CDH13: variants seen among roughly 807,000 people sequenced by gnomAD.
CDH13 encodes the protein cadherin 13.
Under a neutral mutation model 63.8 loss-of-function variants are expected in CDH13, and 24 were observed. The ratio of observed to expected loss-of-function variants is 0.38; its 90% CI spans 0.27 to 0.53. The LOEUF is 0.53. CDH13 is among the 20% of genes least tolerant of loss of function. CDH13 has a pLI of 0.85. For missense variants in CDH13, 1,049 were observed against 903.1 expected, an observed-to-expected ratio of 1.16 and a Z score of -2.07; for synonymous variants, 503 against 355.3, an observed-to-expected ratio of 1.42 and a Z score of -4.67.
chr16:82,727,093 C>T (rs917935129), intron 1 of CDH13, among the ~76,000 whole-genome samples: 11 of 152,080 alleles, frequency 7.2e-5, no homozygotes, highest in East Asian at 1.9e-4. Flanking sequence ...ATGAGGGCGG[C>T]GGCGGTGGTG....
At chr16:83,036,574 C>T (rs1043871774) in intron 3 of CDH13, among the ~76,000 whole-genome samples, 2 of 152,120 alleles carry the variant, frequency 1.3e-5, no homozygotes, top group African/African-American at 4.8e-5. Flanking sequence ...ACCCAGAATG[C>T]CAGATTGTCA....
intron 2 of CDH13, among the ~76,000 whole-genome samples, chr16:82,996,169 G>C (rs1172107126): frequency 6.6e-6 from 1 of 152,070 alleles, no homozygotes; most frequent in Non-Finnish European, 1.5e-5. Flanking sequence ...AGTTATTTGA[G>C]GTTTTCTGGG....
intron 1 of CDH13, among the ~76,000 whole-genome samples, chr16:82,857,244 T>A (rs776882328): frequency 1.3e-5 from 2 of 152,196 alleles, no homozygotes; most frequent in Non-Finnish European, 2.9e-5. Flanking sequence ...AAAATATACC[T>A]TATAACATTA....
intron 13 of CDH13, among the ~76,000 whole-genome samples, chr16:83,784,756 C>G (rs1915766503): frequency 6.6e-6 from 1 of 152,000 alleles, no homozygotes; most frequent in Non-Finnish European, 1.5e-5. Flanking sequence ...TGACTTGTCT[C>G]TGATGACTGT....
At chr16:83,146,988 T>A (rs1489823144) in intron 4 of CDH13, among the ~76,000 whole-genome samples, 1 of 152,110 alleles carries the variant, frequency 6.6e-6, no homozygotes, top group Admixed American at 6.5e-5. Context: ...CCCAGCAGGC[T>A]GAGGCAGGAA....
At chr16:83,700,965 C>T (rs763453686) in intron 10 of CDH13, among the ~76,000 whole-genome samples, 3 of 152,200 alleles carry the variant, frequency 2.0e-5, no homozygotes, top group Non-Finnish European at 4.4e-5. Flanking sequence ...TTTACACCCT[C>T]TTCCCCTTCT....
intron 5 of CDH13, among the ~76,000 whole-genome samples, chr16:83,248,423 G>C (rs962587870): frequency 6.6e-6 from 1 of 152,092 alleles, no homozygotes; most frequent in Non-Finnish European, 1.5e-5. Flanking sequence ...CCGCAAATCA[G>C]CAGCAGGAAG....
chr16:83,569,076 T>G (rs1001270609), intron 7 of CDH13, among the ~76,000 whole-genome samples: 7 of 152,040 alleles, frequency 4.6e-5, no homozygotes, highest in Non-Finnish European at 1.0e-4. Context: ...CTCCTTTCCC[T>G]CCTTCTGAAC....
intron 4 of CDH13, among the ~76,000 whole-genome samples, chr16:83,185,663 C>T (rs2038495146): frequency 1.3e-5 from 2 of 152,198 alleles, no homozygotes; most frequent in African/African-American, 4.8e-5. Context: ...CTCCTACTTA[C>T]CTGTTGGTCC....
At chr16:83,258,837 A>G (rs565337765) in intron 5 of CDH13, among the ~76,000 whole-genome samples, 1 of 152,310 alleles carries the variant, frequency 6.6e-6, no homozygotes, top group South Asian at 2.1e-4. Context: ...ACCAGTCCTT[A>G]TACTCTCATT....
At chr16:83,193,631 A>G (rs1399073530) in intron 4 of CDH13, among the ~76,000 whole-genome samples, 1 of 152,180 alleles carries the variant, frequency 6.6e-6, no homozygotes, top group African/African-American at 2.4e-5. Context: ...AAAAGCAGAG[A>G]GCTTGAGAGC....
At chr16:83,395,241 G>A (rs1252374995) in intron 6 of CDH13, among the ~76,000 whole-genome samples, 2 of 151,848 alleles carry the variant, frequency 1.3e-5, no homozygotes, top group African/African-American at 4.8e-5. Flanking sequence ...TGGAACCTAG[G>A]AGGCGGAGGT....
intron 5 of CDH13, among the ~76,000 whole-genome samples, chr16:83,286,770 GTA>G (rs3052594): frequency 3.5e-5 from 5 of 141,726 alleles, no homozygotes; most frequent in African/African-American, 1.3e-4. Flanking sequence ...AAAAAAAAAT[GTA>G]TATATATATA....
At chr16:83,135,637 C>G in intron 4 of CDH13, among the ~76,000 whole-genome samples, 1 of 152,184 alleles carries the variant, frequency 6.6e-6, no homozygotes, top group Non-Finnish European at 1.5e-5. Flanking sequence ...AGAACTAAAA[C>G]TAGAACTACC....
At chr16:83,417,195 C>T (rs531405570) in intron 6 of CDH13, among the ~76,000 whole-genome samples, 2 of 152,170 alleles carry the variant, frequency 1.3e-5, no homozygotes, top group Admixed American at 6.5e-5. Context: ...ATAATTTAAA[C>T]CAGGGCAGTC....
At chr16:82,975,968 G>A (rs1006535095) in intron 2 of CDH13, among the ~76,000 whole-genome samples, 2 of 152,148 alleles carry the variant, frequency 1.3e-5, no homozygotes, top group Non-Finnish European at 1.5e-5. Context: ...ATGCATGAAG[G>A]GAGAGAATAA....
chr16:83,243,219 C>T (rs1371876862), intron 5 of CDH13, among the ~76,000 whole-genome samples: 16 of 152,182 alleles, frequency 1.1e-4, no homozygotes, highest in African/African-American at 3.9e-4. Flanking sequence ...GTCTGTTTCA[C>T]GCTGCTGATA....
rs146260334 is a variant in CDH13 at position 83,289,710 on chromosome 16, C to T, written c.637-55152C>T. On this transcript the variant is annotated intron_variant, in intron 5 of 13. Transcript: ENST00000567109. ...TTTATCAGCTGCTTGGGCTTGGGTA[C>T]GTGGTTTAGCTTCTTGGTGTCTCAG... Among the ~76,000 whole-genome samples, 13 of 152,132 alleles carry T rather than the reference C, an allele frequency of 8.5e-5. No individual in the cohort carries two copies. The East Asian group carries it at 1.5e-3, about 18-fold the overall frequency.
intron 13 of CDH13, among the ~76,000 whole-genome samples, chr16:83,793,400 G>C (rs1235432396): frequency 6.6e-6 from 1 of 152,198 alleles, no homozygotes; most frequent in Non-Finnish European, 1.5e-5. Context: ...CTCCACACTG[G>C]AGCCAGCCCC....
Sources: allele counts gnomAD v4.1 joint callset (sites outside exome capture counted in the v4.1 genomes callset), GRCh38; gene constraint gnomAD v4.1.1; transcripts MANE v1.5; gene names NCBI Gene and HGNC (gene_info 2026-07-23, HGNC 2026-07-21).